FOXP1: variants seen among roughly 807,000 people sequenced by gnomAD.
FOXP1 encodes the protein forkhead box P1.
A neutral mutation model predicts 98.2 loss-of-function variants in FOXP1; 15 were observed. That is an observed-to-expected ratio of 0.15 (90% CI 0.10 to 0.24). FOXP1 has a LOEUF of 0.24. Ranked by LOEUF, FOXP1 falls within the 10% of genes least tolerant of loss-of-function variation. FOXP1 has a pLI of 1.00. For missense variants in FOXP1, 633 were observed against 848.5 expected (o/e 0.75, Z 3.15); for synonymous variants, 371 against 314.5 (o/e 1.18, Z -1.90).
chr3:71,018,455 T>C (rs1184276086), intron 11 of FOXP1, among the ~76,000 whole-genome samples: 3 of 152,212 alleles, frequency 2.0e-5, no homozygotes, highest in Non-Finnish European at 4.4e-5. Context: ...AGTTCACATA[T>C]TAAACTGCAG....
At chr3:71,308,748 AATGTGT>A (rs1224001187) in intron 4 of FOXP1, among the ~76,000 whole-genome samples, 1 of 97,844 alleles carries the variant, frequency 1.0e-5, no homozygotes. Context: ...ATTCTACCAC[AATGTGT>A]GTGTGTGTGT....
intron 6 of FOXP1, among the ~76,000 whole-genome samples, chr3:71,186,713 C>T (rs114009777): frequency 0.014 from 2,103 of 152,092 alleles, 53 homozygotes; most frequent in African/African-American, 0.048. Context: ...CCGTCTCAAA[C>T]GAACAAACAA....
chr3:71,391,651 A>G (rs2081042771), intron 3 of FOXP1, among the ~76,000 whole-genome samples: 1 of 152,234 alleles, frequency 6.6e-6, no homozygotes, highest in African/African-American at 2.4e-5. Flanking sequence ...TACACTGAAC[A>G]TCTGGTCATG....
intron 3 of FOXP1, among the ~76,000 whole-genome samples, chr3:71,386,741 C>CAAAAAAA (rs5850010): frequency 7.7e-5 from 7 of 90,952 alleles, no homozygotes; most frequent in Non-Finnish European, 6.1e-5. Context: ...GATTCCGTCT[C>CAAAAAAA]AAAAAAAAAA....
intron 6 of FOXP1, among the ~76,000 whole-genome samples, chr3:71,147,443 A>G (rs1033141542): frequency 1.3e-5 from 2 of 152,108 alleles, no homozygotes; most frequent in Non-Finnish European, 1.5e-5. Context: ...TTCTTCCGCC[A>G]TACACACTAT....
chr3:71,250,220 G>A (rs1006649314), intron 5 of FOXP1, among the ~76,000 whole-genome samples: 2 of 152,150 alleles, frequency 1.3e-5, no homozygotes, highest in South Asian at 2.1e-4. Context: ...CTCCAAAAAC[G>A]TCTCCAGACG....
chr3:71,303,471 C>A (rs2074018864), intron 4 of FOXP1, among the ~76,000 whole-genome samples: 1 of 152,154 alleles, frequency 6.6e-6, no homozygotes, highest in African/African-American at 2.4e-5. Flanking sequence ...ATGGCCTGTA[C>A]TCATTTGCAA....
chr3:71,060,706 G>C (rs1271053905), intron 7 of FOXP1, among the ~76,000 whole-genome samples: 2 of 152,094 alleles, frequency 1.3e-5, no homozygotes, highest in African/African-American at 4.8e-5. Flanking sequence ...AAGCCCTTGA[G>C]AAATCACAGA....
chr3:71,200,649 G>A (rs1308194185), intron 5 of FOXP1, among the ~76,000 whole-genome samples: 2 of 152,216 alleles, frequency 1.3e-5, no homozygotes, highest in Non-Finnish European at 2.9e-5. Flanking sequence ...AGACTTTAAT[G>A]TGAAATACCA....
chr3:70,996,050 A>G (rs2041314731), intron 13 of FOXP1, among the ~76,000 whole-genome samples: 1 of 152,142 alleles, frequency 6.6e-6, no homozygotes. Flanking sequence ...GCAATGGCGC[A>G]ATCTCGGGTC....
At chr3:71,272,521 T>C (rs1195813341) in intron 5 of FOXP1, among the ~76,000 whole-genome samples, 3 of 152,052 alleles carry the variant, frequency 2.0e-5, no homozygotes, top group Non-Finnish European at 2.9e-5. Context: ...GAAGCTTCCA[T>C]GCCTGTGTCC....
intron 6 of FOXP1, among the ~76,000 whole-genome samples, chr3:71,146,456 G>A (rs560543907): frequency 2.6e-5 from 4 of 152,014 alleles, no homozygotes; most frequent in Non-Finnish European, 5.9e-5. Flanking sequence ...GTTGTCTCCT[G>A]AGATTGGGGG....
intron 10 of FOXP1, among the ~76,000 whole-genome samples, chr3:71,046,558 CAT>C (rs769991940): frequency 1.1e-4 from 16 of 152,128 alleles, no homozygotes; most frequent in South Asian, 2.1e-4. Context: ...TAAAATAGCA[CAT>C]GTTACATGGT....
intron 13 of FOXP1, among the ~76,000 whole-genome samples, chr3:70,999,011 T>G (rs1199561706): frequency 6.6e-6 from 1 of 152,240 alleles, no homozygotes; most frequent in East Asian, 1.9e-4. Flanking sequence ...TTTAATGTTA[T>G]CATATAAATA....
intron 7 of FOXP1, among the ~76,000 whole-genome samples, chr3:71,077,447 A>G (rs996548055): frequency 6.6e-5 from 10 of 152,220 alleles, no homozygotes; most frequent in Admixed American, 3.9e-4. Context: ...ACCGAATGTC[A>G]TGAAAAGGAG....
At chr3:71,204,445 G>C (rs545770803) in intron 5 of FOXP1, among the ~76,000 whole-genome samples, 1 of 152,224 alleles carries the variant, frequency 6.6e-6, no homozygotes, top group South Asian at 2.1e-4. Flanking sequence ...TGCTCATGTG[G>C]GTGTTACTCT....
chr3:71,524,532 T>G (rs909925368), intron 2 of FOXP1, among the ~76,000 whole-genome samples: 4 of 79,158 alleles, frequency 5.1e-5, no homozygotes, highest in African/African-American at 2.1e-4. Context: ...CAAATGCAAA[T>G]AAATCTTAAA....
chr3:71,561,152 G>A (rs2046501726), intron 2 of FOXP1, among the ~76,000 whole-genome samples: 1 of 152,030 alleles, frequency 6.6e-6, no homozygotes, highest in Admixed American at 6.6e-5. Flanking sequence ...CGACTCCCAG[G>A]TTCAAGTGAT....
At chr3:71,476,852 T>C (rs1462361443) in intron 3 of FOXP1, among the ~76,000 whole-genome samples, 1 of 152,104 alleles carries the variant, frequency 6.6e-6, no homozygotes, top group Non-Finnish European at 1.5e-5. Flanking sequence ...ATGTTTCCTG[T>C]CCTTTGGTCT....
Sources: gnomAD v4.1 joint callset for allele counts (sites outside exome capture counted in the v4.1 genomes callset) on GRCh38, gnomAD v4.1.1 for gene constraint, MANE v1.5 for transcripts, NCBI Gene and HGNC (gene_info 2026-07-23, HGNC 2026-07-21) for gene names.